The following ARID1A variants were observed in gnomAD, a reference collection of about 807,000 sequenced individuals.
The protein encoded by ARID1A is AT-rich interaction domain 1A.
Under a neutral mutation model 212.6 loss-of-function variants are expected in ARID1A, and 20 were observed. The observed-to-expected ratio is 0.09, with a 90% CI of 0.07 to 0.14. The LOEUF is 0.14. ARID1A is among the 10% of genes least tolerant of loss of function. The pLI is 1.00. For synonymous variants in ARID1A, 1,376 were observed against 1,222.1 expected (o/e 1.13, Z -2.63); for missense variants, 2,587 against 3,059.0 (o/e 0.85, Z 3.64).
chr1:26,738,689 G>C (rs747553186), intron 4 of ARID1A, among the ~76,000 whole-genome samples: 1 of 151,590 alleles, frequency 6.6e-6, no homozygotes, highest in Non-Finnish European at 1.5e-5. Context: ...CTCTTGAGTA[G>C]CTGGGATTAC....
At position 26,732,712 on chromosome 1, in the gene ARID1A, T is replaced by G. The variant is rs771633906; in HGVS notation, c.1840T>G (p.Ser614Ala). ...SQDSFGSQAS[S>A]APSMTSSKGG... ...AGATTCATTTGGGTCTCAGGCATCC[T>G]CAGCCCCCTCAATGACCTCCAGTAA... Residue 614 changes from serine (S) to alanine (A), a missense_variant, in exon 4 of 20, where the codon TCA becomes GCA. Physicochemically the swap from Ser to Ala is moderately conservative, Grantham distance 99. Coordinates refer to ENST00000324856, the MANE Select transcript of ARID1A (RefSeq NM_006015.6). 50 of 1,613,930 alleles carry G rather than the reference T, an allele frequency of 3.1e-5. No homozygotes were observed. Among genetic ancestry groups the G allele is most frequent in the Middle Eastern group, 1.6e-4 (1 of 6,076 alleles).
intron 19 of ARID1A, 128 bp downstream of exon 19, chr1:26,775,835 C>T (rs1017935818): frequency 2.9e-6 from 4 of 1,383,068 alleles, no homozygotes; most frequent in African/African-American, 1.4e-5. Flanking sequence ...CATGCCAGTA[C>T]TTTGCTTCCT....
rs1033394068 is a variant in ARID1A, at chr1:26,697,336, C to G, written c.933C>G (p.Tyr311Ter). 8 of 1,332,724 alleles carry G rather than the reference C, an allele frequency of 6.0e-6. No individual in the cohort carries two copies. Among genetic ancestry groups the G allele is most frequent in the Non-Finnish European group, 1.9e-6 (2 of 1,048,570 alleles). 82.6% of individuals were successfully genotyped at this position (1,332,724 alleles called of 1,614,324 possible). ...SPSSARGYQG[Y>*]PGGDYSGGPQ... is the part of the protein sequence containing the mutation. The stretch of plus-strand genomic sequence containing the variant: ...GCTCGGCCCGGGGCTACCAGGGCTA[C>G]CCCGGGGGCGACTACAGTGGCGGGC... Residue 311 changes from tyrosine to a stop codon, truncating the protein, a stop_gained, in exon 1 of 20, where the codon TAC (tyrosine) becomes TAG (stop). Coordinates refer to ENST00000324856, the MANE Select transcript of ARID1A (RefSeq NM_006015.6). LOFTEE classifies it high-confidence loss of function.
At chr1:26,729,935 A>C in intron 2 of ARID1A, 72 bp downstream of exon 2, 4 of 1,529,514 alleles carry the variant, frequency 2.6e-6, no homozygotes, top group Non-Finnish European at 3.6e-6. Context: ...TAGAATCAGA[A>C]TGTATCCTTG....
Position 26,774,751 on chromosome 1 carries a change from T to C in ARID1A, c.4524T>C (p.Tyr1508=). 2.5e-6 allele frequency: 4 copies of C among 1,614,236 alleles called. No individual in the cohort carries two copies. Among genetic ancestry groups the C allele is most frequent in the Non-Finnish European group, 3.4e-6 (4 of 1,180,042 alleles). The part of the protein sequence containing the change: ...WQGRNDMTYN[Y]ANRQSTGSAP... ...GGCGTAATGACATGACCTATAATTA[T>C]GCCAACAGGCAGAGCACGGGCTCTG... Residue 1508 remains tyrosine, a synonymous_variant, in exon 18 of 20, where the codon TAT becomes TAC. Coordinates refer to ENST00000324856, the MANE Select transcript of ARID1A (RefSeq NM_006015.6). This position sits in a 1 kb window ranked among gnomAD's most constrained non-coding sequence, Gnocchi z 5.6.
At chr1:26,730,461 C>T (rs544010433) in intron 2 of ARID1A, among the ~76,000 whole-genome samples, 1 of 152,272 alleles carries the variant, frequency 6.6e-6, no homozygotes, top group South Asian at 2.1e-4. Flanking sequence ...GAGTGATACT[C>T]ATACTGAAAA....
At chr1:26,730,543 G>A (rs1289967637) in intron 2 of ARID1A, among the ~76,000 whole-genome samples, 1 of 152,106 alleles carries the variant, frequency 6.6e-6, no homozygotes, top group Non-Finnish European at 1.5e-5. Flanking sequence ...ATAGAAAATT[G>A]TCTCTTTTTT....
Position 26,717,170 on chromosome 1 carries a change from G to A in ARID1A, c.1138-12481G>A, listed in dbSNP as rs140816292. Reference sequence around the variant, plus strand: ...GGAGAACAGACTGAAAGTAGGTGGTGCTTGAGACTTGGACTGGCCAACCCT... The same window carrying A: ...GGAGAACAGACTGAAAGTAGGTGGTACTTGAGACTTGGACTGGCCAACCCT... On this transcript the variant is annotated intron_variant, in intron 1 of 19. Transcript: ENST00000324856. Among the ~76,000 whole-genome samples, 1,312 of 152,310 alleles carry A rather than the reference G, an allele frequency of 8.6e-3. 15 individuals are homozygous for A. The highest frequency in any genetic ancestry group is 0.03 in the African/African-American group (1,253 of 41,556).
In ARID1A at chr1:26,775,188, A is replaced by G. The variant is rs2124124056; in HGVS notation, c.4961A>G (p.Lys1654Arg). Residue 1654 changes from lysine to arginine, a missense_variant, in exon 18 of 20, where the codon AAG becomes AGG. Lys to Arg is a conservative substitution (Grantham distance 26). This residue lies in a region of ARID1A where 890 missense variants were observed against 1,098.2 expected (regional missense o/e 0.81). Transcript: ENST00000324856. ...GSVEATQPVL[K>R]QRRRLTMKDI... ...GTTGAAGCCACACAGCCTGTGTTGA[A>G]GCAGAGGAGGCGGCTCACAATGAAA... The G allele has an allele frequency of 2.5e-6, 4 of 1,602,092 alleles. No individual in the cohort carries two copies. The highest frequency in any genetic ancestry group is 3.4e-6 in the Non-Finnish European group (4 of 1,175,552).
At position 26,696,183 on chromosome 1, in the gene ARID1A, C is replaced by T; in HGVS notation, c.-221C>T. On this transcript the variant is annotated 5_prime_UTR_variant, in exon 1 of 20. Transcript: ENST00000324856. ...AGCAGCTGAGCCGCCGGCGCCTCGGCCGCCGCCGCCGCCTCCTCCTCCTCC... is the reference window on the plus strand; with the variant it reads ...AGCAGCTGAGCCGCCGGCGCCTCGGTCGCCGCCGCCGCCTCCTCCTCCTCC... The T allele has an allele frequency of 1.6e-6, 1 of 608,830 alleles. No individual in the cohort carries two copies. Among genetic ancestry groups the T allele is most frequent in the South Asian group, 7.5e-5 (1 of 13,300 alleles). The allele number at this position is 608,830 out of a possible 1,614,324, so 37.7% of individuals were successfully genotyped here. A position where few individuals can be genotyped will look rare whatever the true frequency, so the allele number is the denominator to read the frequency against.
At chr1:26,709,381 C>T (rs1209535036) in intron 1 of ARID1A, among the ~76,000 whole-genome samples, 2 of 152,106 alleles carry the variant, frequency 1.3e-5, no homozygotes, top group Non-Finnish European at 2.9e-5. Flanking sequence ...CATTCTCCTC[C>T]CCTGCACCCA....
chr1:26,765,064 G>C (rs887447220), intron 8 of ARID1A: 2 of 152,222 alleles, frequency 1.3e-5, no homozygotes, highest in African/African-American at 4.8e-5. Flanking sequence ...CAGGCATGGT[G>C]GTGGGCGCCT....
intron 4 of ARID1A, among the ~76,000 whole-genome samples, chr1:26,735,588 G>C (rs544366187): frequency 6.6e-6 from 1 of 152,050 alleles, no homozygotes; most frequent in Non-Finnish European, 1.5e-5. Flanking sequence ...CACCTCACCC[G>C]GCCTGAAATC....
intron 2 of ARID1A, 87 bp from the exon 3 acceptor site, chr1:26,731,065 A>G (rs2124787468): frequency 7.3e-7 from 1 of 1,365,944 alleles, no homozygotes; most frequent in Non-Finnish European, 1.0e-6. Context: ...TTCTATACTC[A>G]TCATCAGTGC....
At chr1:26,703,790 A>G (rs1402245938) in intron 1 of ARID1A, among the ~76,000 whole-genome samples, 1 of 152,224 alleles carries the variant, frequency 6.6e-6, no homozygotes, top group Non-Finnish European at 1.5e-5. Context: ...CCAGCTAGGT[A>G]CTAGGAAGAG....
rs765871842 is a variant in ARID1A, at chr1:26,775,684, A to G, written c.5101A>G (p.Ile1701Val). Residue 1701 changes from isoleucine (I) to valine (V), a missense_variant, in exon 19 of 20, where the codon ATC becomes GTC. Ile to Val is a conservative substitution (Grantham distance 29). Transcript: ENST00000324856. ...INILLYDDNS[I>V]MTFNLSQLPG... ...CATCCTGCTGTATGATGACAACAGC[A>G]TCATGACCTTCAACCTCAGTCAGGT... The G allele has an allele frequency of 6.2e-7, 1 of 1,614,244 alleles. No individual in the cohort carries two copies. The highest frequency in any genetic ancestry group is 8.5e-7 in the Non-Finnish European group (1 of 1,180,032).
chr1:26,696,914 C>A lies in ARID1A; in HGVS notation c.511C>A (p.Gln171Lys), dbSNP rs750618829. The A allele has an allele frequency of 1.4e-6, 2 of 1,407,808 alleles. No homozygotes were observed. Among genetic ancestry groups the A allele is most frequent in the Non-Finnish European group, 1.8e-6 (2 of 1,083,104 alleles). 87.2% of individuals were successfully genotyped at this position (1,407,808 alleles called of 1,614,324 possible). ...VAAAAAAVFH[Q>K]QHGGQQSPGL... Reference sequence around the variant, plus strand: ...CGCCGCCGCGGCCGCCGTCTTCCACCAACAACATGGCGGACAACAAAGCCC... The same window carrying A: ...CGCCGCCGCGGCCGCCGTCTTCCACAAACAACATGGCGGACAACAAAGCCC... Residue 171 changes from glutamine (Q) to lysine (K), a missense_variant, in exon 1 of 20, where the codon CAA (glutamine) becomes AAA (lysine). Physicochemically the swap from Gln to Lys is moderately conservative, Grantham distance 53. Coordinates refer to ENST00000324856, the MANE Select transcript of ARID1A (RefSeq NM_006015.6).
At chr1:26,749,435 T>A (rs2080866016) in intron 4 of ARID1A, among the ~76,000 whole-genome samples, 1 of 152,110 alleles carries the variant, frequency 6.6e-6, no homozygotes, top group African/African-American at 2.4e-5. Flanking sequence ...TCGATGTGAT[T>A]AAACCTCCGG....
chr1:26,761,861 G>A (rs550468097), intron 6 of ARID1A, among the ~76,000 whole-genome samples: 2 of 152,248 alleles, frequency 1.3e-5, no homozygotes, highest in Non-Finnish European at 2.9e-5. Context: ...GGCAGTTGCT[G>A]AAGACTCAAT....
Sources: gnomAD v4.1 joint callset for allele counts (sites outside exome capture counted in the v4.1 genomes callset) on GRCh38, gnomAD v4.1.1 for gene constraint, gnomAD v4.1.1 regional missense constraint, Gnocchi (gnomAD v3.1) non-coding constraint, MANE v1.5 for transcripts, NCBI Gene and HGNC (gene_info 2026-07-23, HGNC 2026-07-21) for gene names.